The following AXDND1 variants were observed in gnomAD, a reference collection of about 807,000 sequenced individuals.
AXDND1 encodes axonemal dynein light chain domain-containing protein 1.
Under a neutral mutation model 137.5 loss-of-function variants are expected in AXDND1, and 110 were observed. The observed-to-expected ratio is 0.80, with a 90% CI of 0.69 to 0.94. The LOEUF (loss-of-function observed/expected upper bound fraction) is 0.94, where lower values mean the gene tolerates loss of function less well. Ranked by LOEUF, AXDND1 falls within the 40% of genes least tolerant of loss-of-function variation. The probability of loss-of-function intolerance (pLI) is 0.00; values close to 1 mark genes in which losing one functional copy is unlikely to be tolerated. For missense variants in AXDND1, 1,191 were observed against 1,169.8 expected (o/e 1.02, Z -0.26); for synonymous variants, 414 against 399.7 (o/e 1.04, Z -0.43).
At chr1:179,405,201 C>T (rs554279684) in intron 11 of AXDND1, among the ~76,000 whole-genome samples, 11 of 152,152 alleles carry the variant, frequency 7.2e-5, no homozygotes, top group South Asian at 4.2e-4. Flanking sequence ...TGTTAGTTTG[C>T]TGAGAATGAT....
At position 179,509,240 on chromosome 1, in the gene AXDND1, C is replaced by G. The variant is rs537465020; in HGVS notation, c.2389-56C>G. On this transcript the variant is annotated intron_variant, in intron 20 of 25. Coordinates refer to ENST00000367618, the MANE Select transcript of AXDND1 (RefSeq NM_144696.6). ...ATTGTATTTATCAGTTCCTCAATAG[C>G]GGTGAGTGAATAAATGAGCTGGTTT... The G allele has an allele frequency of 6.1e-5, 64 of 1,057,346 alleles. No individual in the cohort carries two copies. In the African/African-American group the frequency reaches 9.7e-4, roughly 16 times the overall value. The allele number at this position is 1,057,346 out of a possible 1,614,324, so 65.5% of individuals were successfully genotyped here.
At chr1:179,536,450 A>G (rs938981444) in intron 25 of AXDND1, among the ~76,000 whole-genome samples, 1 of 152,170 alleles carries the variant, frequency 6.6e-6, no homozygotes, top group Non-Finnish European at 1.5e-5. Flanking sequence ...TTTTCCCAAC[A>G]CCGTTTATTA....
intron 25 of AXDND1, among the ~76,000 whole-genome samples, chr1:179,547,084 G>A (rs1672719961): frequency 6.6e-6 from 1 of 152,188 alleles, no homozygotes; most frequent in African/African-American, 2.4e-5. Flanking sequence ...CAAAGCTCTA[G>A]ATCACTGTCT....
chr1:179,509,601 C>T (rs936963402), intron 21 of AXDND1, among the ~76,000 whole-genome samples, 198 bp downstream of exon 21: 7 of 152,158 alleles, frequency 4.6e-5, no homozygotes, highest in Non-Finnish European at 8.8e-5. Context: ...CATTTTGCGT[C>T]ATGTTTTTAG....
chr1:179,418,919 C>T (rs1003533724), intron 12 of AXDND1, among the ~76,000 whole-genome samples: 17 of 149,376 alleles, frequency 1.1e-4, no homozygotes, highest in African/African-American at 2.2e-4. Flanking sequence ...AGGGCAGAGA[C>T]GCTCCTCACC....
In AXDND1 at chr1:179,487,214, T is replaced by G. The variant is rs552626664; in HGVS notation, c.2091+3993T>G. ...ATTTATTTTCCCTCCTGATCCATGT[T>G]CTTATCTCCAGTTTTTTTGTCATTG... is the stretch of plus-strand genomic sequence containing the variant. On this transcript the variant is annotated intron_variant, in intron 18 of 25. Coordinates refer to ENST00000367618, the MANE Select transcript of AXDND1 (RefSeq NM_144696.6). Among the ~76,000 whole-genome samples the G allele has an allele frequency of 1.3e-5, 2 of 148,780 alleles. 1 individual carries two copies. The highest frequency in any genetic ancestry group is 1.3e-4 in the Admixed American group (2 of 15,084).
intron 25 of AXDND1, 186 bp from the exon 26 acceptor site, chr1:179,554,326 G>A: frequency 1.2e-6 from 1 of 824,222 alleles, no homozygotes; most frequent in South Asian, 1.8e-5. Context: ...ATGGCTGTAA[G>A]ATATTAGGTG....
rs572403412 is a variant in AXDND1 at position 179,552,772 on chromosome 1, T to G, written c.3032-1740T>G. On this transcript the variant is annotated intron_variant, in intron 25 of 25. Transcript: ENST00000367618. ...AGACTTGCAAGCCTCTCTACTGCTG[T>G]CTCATGATGAGTAGCAAATTTGGAG... The G allele has an allele frequency of 2.8e-5, 27 of 977,512 alleles. No homozygotes were observed. The East Asian group carries it at 6.7e-4, about 24-fold the overall frequency. 60.6% of individuals were successfully genotyped at this position (977,512 alleles called of 1,614,324 possible).
intron 12 of AXDND1, among the ~76,000 whole-genome samples, chr1:179,417,717 G>A (rs1654913794): frequency 6.6e-6 from 1 of 151,728 alleles, no homozygotes. Context: ...GTTCCATATA[G>A]ATTTTAGGAT....
At chr1:179,429,019 T>G (rs1656993094) in intron 12 of AXDND1, among the ~76,000 whole-genome samples, 1 of 151,920 alleles carries the variant, frequency 6.6e-6, no homozygotes, top group Non-Finnish European at 1.5e-5. Context: ...CTACTAAAAA[T>G]AAAAAACATT....
chr1:179,498,759 T>C (rs945758273), intron 20 of AXDND1, among the ~76,000 whole-genome samples: 4 of 152,092 alleles, frequency 2.6e-5, no homozygotes, highest in African/African-American at 9.6e-5. Context: ...CACTTAAAAA[T>C]GGGCAAAGGA....
At chr1:179,455,394 C>A (rs1010054170) in intron 16 of AXDND1, 1 of 150,438 alleles carries the variant, frequency 6.6e-6, no homozygotes, top group Non-Finnish European at 1.5e-5. Flanking sequence ...AGATCAAGAC[C>A]ATCCTGGCTA....
chr1:179,456,630 T>C (rs1427737095), intron 16 of AXDND1: 3 of 839,670 alleles, frequency 3.6e-6, no homozygotes, highest in Non-Finnish European at 2.0e-6. Context: ...ACTGCCACCA[T>C]ATCCATCACC....
At chr1:179,536,820 G>A (rs1429780167) in intron 25 of AXDND1, among the ~76,000 whole-genome samples, 1 of 152,096 alleles carries the variant, frequency 6.6e-6, no homozygotes, top group Non-Finnish European at 1.5e-5. Flanking sequence ...CCATTTTCAC[G>A]ATATTGATTC....
At chr1:179,540,969 C>T (rs1672078254) in intron 25 of AXDND1, among the ~76,000 whole-genome samples, 1 of 152,188 alleles carries the variant, frequency 6.6e-6, no homozygotes, top group African/African-American at 2.4e-5. Context: ...GGTTTGTTTA[C>T]ACTGTGAGCA....
Position 179,366,418 on chromosome 1 carries a change from C to T in AXDND1, c.-92C>T. On this transcript the variant is annotated 5_prime_UTR_variant, in exon 2 of 26. Transcript: ENST00000367618. ...TCTGCCTGCAGGACTATGTGGCAGC[C>T]TGCAAGTCCCAGTGCGGCGCTGATT... The T allele has an allele frequency of 2.0e-6, 2 of 975,844 alleles. No homozygotes were observed. Among genetic ancestry groups the T allele is most frequent in the Admixed American group, 1.9e-5 (1 of 53,992 alleles). 60.4% of individuals were successfully genotyped at this position (975,844 alleles called of 1,614,324 possible).
intron 10 of AXDND1, 141 bp downstream of exon 10, chr1:179,394,184 A>G: frequency 2.4e-6 from 2 of 838,574 alleles, no homozygotes; most frequent in South Asian, 4.6e-5. Flanking sequence ...GAGAACAAAA[A>G]GAACTAGATG....
chr1:179,396,365 T>C lies in AXDND1; in HGVS notation c.1109+1163T>C, dbSNP rs888927276. Among the ~76,000 whole-genome samples, 8 of 152,120 alleles carry C rather than the reference T, an allele frequency of 5.3e-5. No homozygotes were observed. The East Asian group carries it at 1.4e-3, about 26-fold the overall frequency. On this transcript the variant is annotated intron_variant, in intron 11 of 25. Transcript: ENST00000367618. Reference sequence around the variant, plus strand: ...ATACATAGTTACATATAAAAAAATTTGCGGCTGGGCACAGTGGCTCACGCC... The same window carrying C: ...ATACATAGTTACATATAAAAAAATTCGCGGCTGGGCACAGTGGCTCACGCC...
intron 9 of AXDND1, among the ~76,000 whole-genome samples, chr1:179,393,554 T>C (rs1650529512): frequency 6.6e-6 from 1 of 152,090 alleles, no homozygotes; most frequent in Non-Finnish European, 1.5e-5. Flanking sequence ...GTAGATTGAG[T>C]TTGGCAGTAT....
Sources: gnomAD v4.1 joint callset for allele counts (sites outside exome capture counted in the v4.1 genomes callset) on GRCh38, gnomAD v4.1.1 for gene constraint, MANE v1.5 for transcripts, NCBI Gene and HGNC (gene_info 2026-07-23, HGNC 2026-07-21) for gene names.